Variants in VPS41 observed in about 807,000 individuals in gnomAD.
VPS41 encodes the protein VPS41 subunit of HOPS complex, also known as vacuolar protein sorting-associated protein 41 homolog.
VPS41 carries 85 observed loss-of-function variants against 130.9 expected under a neutral mutation model. The ratio of observed to expected loss-of-function variants is 0.65; its 90% CI spans 0.55 to 0.78. The LOEUF (loss-of-function observed/expected upper bound fraction) is 0.78, where lower values mean the gene tolerates loss of function less well. VPS41 is among the 30% of genes least tolerant of loss of function. The pLI, the probability that VPS41 is intolerant of heterozygous loss-of-function variation, is 0.00. For synonymous variants in VPS41, 335 were observed against 332.9 expected (o/e 1.01, Z -0.07); for missense variants, 874 against 1,018.7 (o/e 0.86, Z 1.93).
chr7:38,800,200 A>G (rs1392291309), intron 7 of VPS41, among the ~76,000 whole-genome samples: 1 of 152,232 alleles, frequency 6.6e-6, no homozygotes, highest in Non-Finnish European at 1.5e-5. Context: ...GTATGTATCC[A>G]TTATTATTTT....
intron 10 of VPS41, among the ~76,000 whole-genome samples, chr7:38,780,241 A>G (rs975646251): frequency 2.6e-5 from 4 of 151,540 alleles, no homozygotes; most frequent in African/African-American, 9.7e-5. Flanking sequence ...GGTAGCCACA[A>G]AAGACAGTGG....
chr7:38,729,608 C>T (rs1795617353), intron 25 of VPS41, among the ~76,000 whole-genome samples: 1 of 152,130 alleles, frequency 6.6e-6, no homozygotes, highest in African/African-American at 2.4e-5. Flanking sequence ...CTATTTCCTC[C>T]CTTCCTGCCT....
intron 16 of VPS41, among the ~76,000 whole-genome samples, chr7:38,764,376 T>C (rs1032292243): frequency 6.6e-6 from 1 of 152,066 alleles, no homozygotes; most frequent in African/African-American, 2.4e-5. Context: ...CGAGATGGCG[T>C]CACTGAAGGG....
chr7:38,796,260 C>T (rs533787370), intron 8 of VPS41, among the ~76,000 whole-genome samples: 16 of 152,280 alleles, frequency 1.1e-4, no homozygotes, highest in Admixed American at 4.6e-4. Context: ...CTACTAGCCC[C>T]AATTCATAGC....
chr7:38,787,431 T>C (rs1025240956), intron 10 of VPS41, among the ~76,000 whole-genome samples: 1 of 152,180 alleles, frequency 6.6e-6, no homozygotes, highest in African/African-American at 2.4e-5. Flanking sequence ...TTTTTAACAA[T>C]GCAATTTGAA....
rs139861393 is a variant in VPS41, at chr7:38,847,319, G to A, written c.246+15226C>T. Among the ~76,000 whole-genome samples, 749 of 152,024 alleles carry A rather than the reference G, an allele frequency of 4.9e-3. 7 individuals are homozygous for A. Among genetic ancestry groups the A allele is most frequent in the African/African-American group, 0.016 (674 of 41,456 alleles). On this transcript the variant is annotated intron_variant, in intron 4 of 28. Coordinates refer to ENST00000310301, the MANE Select transcript of VPS41 (RefSeq NM_014396.4). ...TAAAAAAAAAATACAGCATCCTCTA[G>A]TAGTTGGCCATACCCTTAAGATTCC...
chr7:38,748,243 A>G (rs1368165237), intron 22 of VPS41, among the ~76,000 whole-genome samples: 3 of 152,220 alleles, frequency 2.0e-5, no homozygotes, highest in Non-Finnish European at 4.4e-5. Flanking sequence ...ACACGCGGAC[A>G]ATGCAGTGAA....
chr7:38,811,657 C>CATAT (rs36048936), intron 7 of VPS41, among the ~76,000 whole-genome samples: 133 of 149,862 alleles, frequency 8.9e-4, no homozygotes, highest in East Asian at 2.0e-3. Context: ...ATATCTCATT[C>CATAT]ATATATATAT....
At chr7:38,841,988 T>A (rs1785617569) in intron 4 of VPS41, among the ~76,000 whole-genome samples, 1 of 152,210 alleles carries the variant, frequency 6.6e-6, no homozygotes, top group Admixed American at 6.5e-5. Context: ...TCAATCCAGC[T>A]CAGGCCTCTC....
At position 38,726,155 on chromosome 7, in the gene VPS41, C is replaced by T; in HGVS notation, c.*91G>A. On this transcript the variant is annotated 3_prime_UTR_variant, in exon 29 of 29. Transcript: ENST00000310301. ...GTATAATATAAACATAAACAAATCT[C>T]TTAACAGCACGAGTGTCAACAAATG... 1 of 834,920 alleles carries T rather than the reference C, an allele frequency of 1.2e-6. No individual in the cohort carries two copies. Among genetic ancestry groups the T allele is most frequent in the South Asian group, 1.5e-5 (1 of 68,754 alleles). The allele number at this position is 834,920 out of a possible 1,614,324, so 51.7% of individuals were successfully genotyped here.
In VPS41 at chr7:38,726,216, GTGACAAGGAGAC is replaced by G; in HGVS notation, c.*18_*29del. The G allele has an allele frequency of 6.7e-7, 1 of 1,501,476 alleles. No homozygotes were observed. Among genetic ancestry groups the G allele is most frequent in the Non-Finnish European group, 9.3e-7 (1 of 1,077,344 alleles). The allele number at this position is 1,501,476 out of a possible 1,614,324, so 93.0% of individuals were successfully genotyped here. A position where few individuals can be genotyped will look rare whatever the true frequency, so the allele number is the denominator to read the frequency against. The stretch of plus-strand genomic sequence containing the variant: ...TGCAAAAACAGTCTCAAAAAGAGTG[GTGACAAGGAGAC>G]TGACAAGGAGAAATGAGCTATTTTT... On this transcript the variant is annotated 3_prime_UTR_variant, in exon 29 of 29. Transcript: ENST00000310301.
At chr7:38,754,413 A>G (rs967156261) in intron 21 of VPS41, among the ~76,000 whole-genome samples, 1 of 152,174 alleles carries the variant, frequency 6.6e-6, no homozygotes, top group Non-Finnish European at 1.5e-5. Flanking sequence ...TAGTTATGTT[A>G]CATATATTTA....
intron 3 of VPS41, among the ~76,000 whole-genome samples, chr7:38,867,096 T>C (rs1346878976): frequency 2.0e-5 from 3 of 152,154 alleles, no homozygotes; most frequent in Non-Finnish European, 4.4e-5. Context: ...TTACATGAAA[T>C]ACACCAAAAT....
At chr7:38,758,094 T>C (rs1380589504) in intron 18 of VPS41, among the ~76,000 whole-genome samples, 3 of 152,180 alleles carry the variant, frequency 2.0e-5, no homozygotes, top group African/African-American at 4.8e-5. Context: ...GGCACCCTTT[T>C]GTTTCCTAAC....
intron 17 of VPS41, among the ~76,000 whole-genome samples, chr7:38,758,769 G>T (rs7786036): frequency 0.21 from 32,326 of 152,066 alleles, 4,388 homozygotes; most frequent in Non-Finnish European, 0.31. Flanking sequence ...CCAAGGAGGG[G>T]AGAGGGGCTG....
chr7:38,832,665 T>C (rs1311266497), intron 4 of VPS41, among the ~76,000 whole-genome samples: 1 of 152,204 alleles, frequency 6.6e-6, no homozygotes, highest in Non-Finnish European at 1.5e-5. Context: ...AATTTTGAGA[T>C]CAAATGACCC....
chr7:38,787,275 C>A (rs771916698), intron 10 of VPS41, among the ~76,000 whole-genome samples: 2 of 152,122 alleles, frequency 1.3e-5, no homozygotes, highest in Non-Finnish European at 2.9e-5. Context: ...CATTTCCCAA[C>A]ATCATGATGT....
At chr7:38,734,060 G>A (rs1795719199) in intron 25 of VPS41, among the ~76,000 whole-genome samples, 1 of 152,200 alleles carries the variant, frequency 6.6e-6, no homozygotes, top group South Asian at 2.1e-4. Context: ...CCATGCTCCA[G>A]CCTGGGCAAC....
intron 17 of VPS41, among the ~76,000 whole-genome samples, chr7:38,759,957 C>T (rs1273258911): frequency 1.3e-5 from 2 of 152,148 alleles, no homozygotes; most frequent in African/African-American, 2.4e-5. Context: ...CATCTTGGTC[C>T]TCCTTCCACT....
Sources: gnomAD v4.1 joint callset for allele counts (sites outside exome capture counted in the v4.1 genomes callset) on GRCh38, gnomAD v4.1.1 for gene constraint, MANE v1.5 for transcripts, NCBI Gene and HGNC (gene_info 2026-07-23, HGNC 2026-07-21) for gene names.